Variants in SCAF11 observed in about 807,000 individuals in gnomAD.
SCAF11 encodes protein SCAF11.
In SCAF11, 47 loss-of-function variants were observed where a neutral mutation model predicts 140.5. The observed-to-expected ratio is 0.33, with a 90% CI of 0.26 to 0.43. The LOEUF (loss-of-function observed/expected upper bound fraction) is 0.43. SCAF11 is among the 20% of genes least tolerant of loss of function. The pLI, the probability that SCAF11 is intolerant of heterozygous loss-of-function variation, is 1.00. For synonymous variants in SCAF11, 557 were observed against 579.4 expected, an observed-to-expected ratio of 0.96 and a Z score of 0.55; for missense variants, 1,645 against 1,705.1, an observed-to-expected ratio of 0.96 and a Z score of 0.62.
rs1355868496 is a variant in SCAF11, at chr12:45,924,902, G to A, written c.3732C>T (p.Arg1244=). The change falls in exon 12 of 15, where the codon CGC becomes CGT. Residue 1244 remains arginine (R), a synonymous_variant. Transcript: ENST00000369367. ...GVHAPLMNIQ[R]NPFNIHPQLP... Reference sequence around the variant, plus strand: ...GCTGAGGATGAATGTTAAATGGATTGCGTTGGATGTTCATCAAAGGAGCAT... The same window carrying A: ...GCTGAGGATGAATGTTAAATGGATTACGTTGGATGTTCATCAAAGGAGCAT... 1 of 1,614,092 alleles carries A rather than the reference G, an allele frequency of 6.2e-7. No homozygotes were observed. The highest frequency in any genetic ancestry group is 1.3e-5 in the African/African-American group (1 of 75,020).
chr12:45,964,816 G>C (rs1322399196), intron 1 of SCAF11, among the ~76,000 whole-genome samples: 1 of 152,220 alleles, frequency 6.6e-6, no homozygotes, highest in East Asian at 1.9e-4. Context: ...TGATAGGTTA[G>C]ATGTGTTGAG....
At chr12:45,984,920 C>T (rs942900210) in intron 1 of SCAF11, among the ~76,000 whole-genome samples, 10 of 152,162 alleles carry the variant, frequency 6.6e-5, no homozygotes, top group African/African-American at 2.4e-4. Flanking sequence ...GCCTTGAACT[C>T]CTGACCTCAA....
chr12:45,931,359 T>C, intron 10 of SCAF11, 147 bp downstream of exon 10: 1 of 435,514 alleles, frequency 2.3e-6, no homozygotes. Context: ...TAAAGTTAAG[T>C]CATTGTCCAA....
intron 3 of SCAF11, among the ~76,000 whole-genome samples, chr12:45,959,897 G>A (rs1945784883): frequency 6.6e-6 from 1 of 152,134 alleles, no homozygotes; most frequent in African/African-American, 2.4e-5. Flanking sequence ...AATTACCTTT[G>A]TTTAAACACT....
intron 6 of SCAF11, among the ~76,000 whole-genome samples, chr12:45,943,243 C>T (rs1434086882): frequency 6.6e-6 from 1 of 152,126 alleles, no homozygotes. Flanking sequence ...TTTATGGTGT[C>T]TCTTTCTGCA....
intron 6 of SCAF11, among the ~76,000 whole-genome samples, chr12:45,944,659 T>G (rs1042214408): frequency 6.6e-6 from 1 of 152,190 alleles, no homozygotes; most frequent in Non-Finnish European, 1.5e-5. Flanking sequence ...CACAAAGAAC[T>G]ATGGATGTTG....
chr12:45,924,649 C>A, intron 12 of SCAF11, 79 bp downstream of exon 12: 1 of 1,207,902 alleles, frequency 8.3e-7, no homozygotes, highest in Non-Finnish European at 1.1e-6. Flanking sequence ...GCCAGGATGC[C>A]TTTTTTTGAA....
chr12:45,978,797 G>A lies in SCAF11; in HGVS notation c.-22+11556C>T, dbSNP rs1946290581. 2.6e-5 allele frequency among the ~76,000 whole-genome samples: 4 copies of A among 152,132 alleles called. No individual in the cohort carries two copies. In the South Asian group the frequency reaches 8.3e-4, roughly 32 times the overall value. Reference sequence around the variant, plus strand: ...TCCATCTACTCACCTCCCAAAAAAGGGAGATGGGAAAATTGTGTAGGGCAC... The same window carrying A: ...TCCATCTACTCACCTCCCAAAAAAGAGAGATGGGAAAATTGTGTAGGGCAC... On this transcript the variant is annotated intron_variant, in intron 1 of 14. Coordinates refer to ENST00000369367, the MANE Select transcript of SCAF11 (RefSeq NM_004719.3).
chr12:45,952,390 T>C (rs1249807460), intron 3 of SCAF11, among the ~76,000 whole-genome samples: 1 of 152,218 alleles, frequency 6.6e-6, no homozygotes, highest in Admixed American at 6.5e-5. Flanking sequence ...TTTTTTACTT[T>C]ACATTTCCTT....
intron 1 of SCAF11, among the ~76,000 whole-genome samples, chr12:45,968,205 T>C (rs1945995672): frequency 6.6e-6 from 1 of 152,254 alleles, no homozygotes; most frequent in South Asian, 2.1e-4. Flanking sequence ...TTTCTTTTAT[T>C]GGTTCTACAT....
At chr12:45,968,264 GATT>G (rs1376582892) in intron 1 of SCAF11, among the ~76,000 whole-genome samples, 1 of 151,974 alleles carries the variant, frequency 6.6e-6, no homozygotes, top group Non-Finnish European at 1.5e-5. Context: ...TTGCTTTTCT[GATT>G]ATTTTAATTT....
intron 9 of SCAF11, among the ~76,000 whole-genome samples, chr12:45,932,515 C>T (rs1945071789): frequency 6.6e-6 from 1 of 151,958 alleles, no homozygotes; most frequent in Admixed American, 6.6e-5. Flanking sequence ...GGTGAATGCC[C>T]TATACAGAAC....
At chr12:45,968,766 C>T (rs945977911) in intron 1 of SCAF11, among the ~76,000 whole-genome samples, 1 of 152,064 alleles carries the variant, frequency 6.6e-6, no homozygotes, top group Non-Finnish European at 1.5e-5. Flanking sequence ...CACGGTGAAA[C>T]CCCGTCGCTA....
chr12:45,961,910 T>A, intron 2 of SCAF11, 53 bp from the exon 3 acceptor site: 1 of 1,497,268 alleles, frequency 6.7e-7, no homozygotes, highest in Non-Finnish European at 9.0e-7. Flanking sequence ...ACCAAAAATC[T>A]TGTGTTTCTA....
chr12:45,936,270 C>T (rs1049901474), intron 6 of SCAF11, among the ~76,000 whole-genome samples: 4 of 151,820 alleles, frequency 2.6e-5, no homozygotes, highest in African/African-American at 7.3e-5. Flanking sequence ...GCCTCCTGAG[C>T]AGCTGGGACT....
chr12:45,942,993 C>T (rs1017019391), intron 6 of SCAF11, among the ~76,000 whole-genome samples: 2 of 152,084 alleles, frequency 1.3e-5, no homozygotes, highest in African/African-American at 4.8e-5. Flanking sequence ...TTTGCTTCTC[C>T]GAGTATGAAC....
chr12:45,990,623 G>GC, upstream of SCAF11: 1 of 1,202,070 alleles, frequency 8.3e-7, no homozygotes, highest in Non-Finnish European at 1.0e-6. Flanking sequence ...CCCTCCCTGC[G>GC]CGTCTCCCTC....
At chr12:45,960,173 C>T (rs891690916) in intron 3 of SCAF11, among the ~76,000 whole-genome samples, 4 of 152,068 alleles carry the variant, frequency 2.6e-5, no homozygotes, top group African/African-American at 9.7e-5. Flanking sequence ...CTAGAGAAAC[C>T]TGGAACATGT....
At chr12:45,925,750 A>T (rs1186981274) in intron 11 of SCAF11, among the ~76,000 whole-genome samples, 1 of 152,204 alleles carries the variant, frequency 6.6e-6, no homozygotes, top group Non-Finnish European at 1.5e-5. Flanking sequence ...AAAAAAAACA[A>T]GGAAATATAA....
Sources: allele counts gnomAD v4.1 joint callset (sites outside exome capture counted in the v4.1 genomes callset), GRCh38; gene constraint gnomAD v4.1.1; transcripts MANE v1.5; gene names NCBI Gene and HGNC (gene_info 2026-07-23, HGNC 2026-07-21).